SDK1: variants seen among roughly 807,000 people sequenced by gnomAD.
SDK1 encodes protein sidekick-1.
Under a neutral mutation model 245.5 loss-of-function variants are expected in SDK1, and 157 were observed. The ratio of observed to expected loss-of-function variants is 0.64; its 90% confidence interval spans 0.56 to 0.73. The LOEUF (loss-of-function observed/expected upper bound fraction) is 0.73. SDK1 is among the 30% of genes least tolerant of loss of function. SDK1 has a pLI of 0.00. For missense variants in SDK1, 3,583 were observed against 3,002.3 expected (o/e 1.19, Z -4.52); for synonymous variants, 1,647 against 1,278.5 (o/e 1.29, Z -6.15).
chr7:3,977,713 C>A (rs1783065730), intron 13 of SDK1, among the ~76,000 whole-genome samples: 1 of 152,256 alleles, frequency 6.6e-6, no homozygotes, highest in African/African-American at 2.4e-5. Flanking sequence ...ACTGATCACG[C>A]TGCAGAGGAC....
intron 1 of SDK1, among the ~76,000 whole-genome samples, chr7:3,561,324 A>G (rs1331084534): frequency 6.6e-6 from 1 of 152,236 alleles, no homozygotes; most frequent in Non-Finnish European, 1.5e-5. Context: ...ACAAAAACAC[A>G]TCTGAGCTGC....
chr7:4,228,742 G>A (rs1467072643), intron 40 of SDK1, among the ~76,000 whole-genome samples: 3 of 152,212 alleles, frequency 2.0e-5, no homozygotes, highest in East Asian at 3.9e-4. Flanking sequence ...GTTTCACCAT[G>A]TTGATCAGGC....
chr7:3,378,936 C>T (rs1053746179), intron 1 of SDK1, among the ~76,000 whole-genome samples: 36 of 152,132 alleles, frequency 2.4e-4, no homozygotes, highest in African/African-American at 8.0e-4. Flanking sequence ...CCACCCCTTC[C>T]CCGGAGCAGA....
intron 4 of SDK1, among the ~76,000 whole-genome samples, chr7:3,793,217 A>G (rs751532177): frequency 2.6e-5 from 4 of 152,212 alleles, no homozygotes; most frequent in Non-Finnish European, 5.9e-5. Context: ...AAGACATTAC[A>G]TTTCTAAATT....
chr7:4,206,105 G>A, intron 36 of SDK1, 111 bp downstream of exon 36: 4 of 706,768 alleles, frequency 5.7e-6, no homozygotes, highest in African/African-American at 5.5e-5. Flanking sequence ...TCCACCTGGA[G>A]AGCTGGGGCC....
chr7:3,375,322 G>T (rs1295857313), intron 1 of SDK1, among the ~76,000 whole-genome samples: 2 of 152,182 alleles, frequency 1.3e-5, no homozygotes, highest in African/African-American at 4.8e-5. Context: ...GACAGAAAAT[G>T]AAATAAAGTC....
intron 40 of SDK1, among the ~76,000 whole-genome samples, chr7:4,232,411 C>CTTTTTTTTTT (rs71032930): frequency 1.2e-4 from 12 of 98,776 alleles, no homozygotes; most frequent in Non-Finnish European, 1.8e-4. Context: ...TCTTTTCTTT[C>CTTTTTTTTTT]TTTTTTTTTT....
At chr7:4,128,760 CT>C (rs1784562362) in intron 26 of SDK1, among the ~76,000 whole-genome samples, 1 of 145,052 alleles carries the variant, frequency 6.9e-6, no homozygotes, top group Non-Finnish European at 1.5e-5. Flanking sequence ...GTGGGGTCCC[CT>C]GGAGGAGAGC....
chr7:3,566,224 C>CTTTTTTT (rs568790658), intron 1 of SDK1, among the ~76,000 whole-genome samples: 4 of 125,420 alleles, frequency 3.2e-5, no homozygotes, highest in African/African-American at 6.0e-5. Flanking sequence ...TAAACTTCTT[C>CTTTTTTT]TTTTTTTTTT....
intron 32 of SDK1, among the ~76,000 whole-genome samples, chr7:4,172,463 T>TG (rs1781907051): frequency 6.6e-6 from 1 of 152,202 alleles, no homozygotes. Context: ...CCTCCACGTT[T>TG]GGGTTTTGCC....
Position 4,221,186 on chromosome 7 carries a change from T to A in SDK1, c.5702-53T>A, listed in dbSNP as rs1785134305. 4 of 1,602,412 alleles carry A rather than the reference T, an allele frequency of 2.5e-6. No individual in the cohort carries two copies. In the South Asian group the frequency reaches 4.4e-5, roughly 18 times the overall value. On this transcript the variant is annotated intron_variant, in intron 39 of 44. Transcript: ENST00000404826. ...CACTGTGAAATCTCACGGGGTGGGATGTGAGCCCCGCAGGGCTGATGCCTC... is the reference window on the plus strand; with the variant it reads ...CACTGTGAAATCTCACGGGGTGGGAAGTGAGCCCCGCAGGGCTGATGCCTC...
intron 4 of SDK1, among the ~76,000 whole-genome samples, chr7:3,796,275 G>A (rs886662999): frequency 1.3e-5 from 2 of 152,234 alleles, no homozygotes; most frequent in East Asian, 1.9e-4. Flanking sequence ...TTTATCCTCC[G>A]TGTCCACGGA....
chr7:3,662,116 G>A (rs575411108), intron 4 of SDK1, among the ~76,000 whole-genome samples: 33 of 145,864 alleles, frequency 2.3e-4, no homozygotes, highest in Middle Eastern at 3.5e-3. Flanking sequence ...TGTATATCTG[G>A]TTACTTTCAT....
intron 4 of SDK1, among the ~76,000 whole-genome samples, chr7:3,667,279 A>G (rs1354301858): frequency 7.2e-5 from 11 of 152,236 alleles, no homozygotes; most frequent in Admixed American, 7.2e-4. Context: ...TATAGAGAAC[A>G]CTGCAGCATC....
intron 1 of SDK1, among the ~76,000 whole-genome samples, chr7:3,586,688 G>T (rs1780699352): frequency 6.9e-6 from 1 of 145,198 alleles, no homozygotes; most frequent in South Asian, 2.2e-4. Context: ...CTGGGCGACT[G>T]AGCAAGACTC....
At chr7:3,903,305 G>A (rs748446217) in intron 5 of SDK1, among the ~76,000 whole-genome samples, 8 of 151,982 alleles carry the variant, frequency 5.3e-5, no homozygotes, top group East Asian at 1.9e-4. Context: ...CACCATGGCC[G>A]GCTAATTTTT....
At chr7:3,753,041 C>T (rs1398068085) in intron 4 of SDK1, among the ~76,000 whole-genome samples, 9 of 152,176 alleles carry the variant, frequency 5.9e-5, no homozygotes. Context: ...TCTGCCCAAT[C>T]ACAGGAAGGC....
At chr7:4,048,538 A>G (rs1789194907) in intron 17 of SDK1, among the ~76,000 whole-genome samples, 2 of 145,796 alleles carry the variant, frequency 1.4e-5, no homozygotes, top group African/African-American at 5.1e-5. Context: ...GCTCCTTGGC[A>G]ACATTTTGCC....
intron 1 of SDK1, among the ~76,000 whole-genome samples, chr7:3,453,834 A>G (rs1780594857): frequency 6.6e-6 from 1 of 151,698 alleles, no homozygotes; most frequent in African/African-American, 2.4e-5. Flanking sequence ...GATCTCCTGG[A>G]CTCAAGTGAT....
Sources: gnomAD v4.1 joint callset for allele counts (sites outside exome capture counted in the v4.1 genomes callset) on GRCh38, gnomAD v4.1.1 for gene constraint, MANE v1.5 for transcripts, NCBI Gene and HGNC (gene_info 2026-07-23, HGNC 2026-07-21) for gene names.